The following DENND3 variants were observed in gnomAD, a reference collection of about 807,000 sequenced individuals.
DENND3 encodes DENN domain containing 3, also known as DENN domain-containing protein 3.
A neutral mutation model predicts 135.1 loss-of-function variants in DENND3; 88 were observed. The observed-to-expected ratio is 0.65, with a 90% CI of 0.55 to 0.78. The LOEUF (loss-of-function observed/expected upper bound fraction) is 0.78. Ranked by LOEUF, DENND3 falls within the 30% of genes least tolerant of loss-of-function variation. The pLI is 0.00. For missense variants in DENND3, 1,392 were observed against 1,688.4 expected, an observed-to-expected ratio of 0.82 and a Z score of 3.08; for synonymous variants, 693 against 712.3, an observed-to-expected ratio of 0.97 and a Z score of 0.43.
chr8:141,190,523 A>G (rs1388806993), intron 20 of DENND3, 106 bp downstream of exon 20: 4 of 1,407,638 alleles, frequency 2.8e-6, no homozygotes, highest in Non-Finnish European at 3.7e-6. Context: ...ACGCCTTTCC[A>G]GTCTTTATTT....
intron 4 of DENND3, chr8:141,142,110 A>G (rs1817533008): frequency 2.3e-5 from 7 of 309,464 alleles, no homozygotes; most frequent in South Asian, 1.5e-4. Context: ...GACGTAAAGA[A>G]CTTTTGAAAA....
chr8:141,171,986 T>C (rs1821639258), intron 13 of DENND3, among the ~76,000 whole-genome samples: 3 of 145,750 alleles, frequency 2.1e-5, no homozygotes, highest in Non-Finnish European at 4.5e-5. Flanking sequence ...TGGGTGTGCA[T>C]GGTGGTGGCC....
chr8:141,176,323 T>G, intron 14 of DENND3: 1 of 409,530 alleles, frequency 2.4e-6, no homozygotes, highest in Non-Finnish European at 4.4e-6. Context: ...GAGAGAAGTA[T>G]TTAAGGATGT....
rs562545358 is a variant in DENND3 at position 141,166,292 on chromosome 8, C to T, written c.1656C>T (p.Ser552=). The change falls in exon 12 of 23, where the codon AGC becomes AGT. Residue 552 remains serine (S), a synonymous_variant. Coordinates refer to ENST00000519811, the MANE Select transcript of DENND3 (RefSeq NM_001352890.3). The surrounding 1 kb of genome is among the most constrained non-coding windows in gnomAD (Gnocchi z 4.3). The part of the protein sequence containing the change: ...LHVTHRRMVV[S]MPNLQDIAMP... ...TCACCCACAGGCGCATGGTGGTCAG[C>T]ATGCCCAACCTGCAGGACATTGCCA... The T allele has an allele frequency of 1.9e-6, 3 of 1,614,086 alleles. No homozygotes were observed. The Admixed American group carries it at 5.0e-5, about 27-fold the overall frequency.
intron 5 of DENND3, among the ~76,000 whole-genome samples, chr8:141,150,551 T>C (rs568071175): frequency 3.3e-5 from 5 of 152,232 alleles, no homozygotes; most frequent in Non-Finnish European, 7.3e-5. Flanking sequence ...CTGTAGTTTA[T>C]CTCTGTCTAG....
Position 141,141,098 on chromosome 8 carries a change from G to T in DENND3, c.502-105G>T. On this transcript the variant is annotated intron_variant, in intron 3 of 22. Coordinates refer to ENST00000519811, the MANE Select transcript of DENND3 (RefSeq NM_001352890.3). The surrounding 1 kb of genome is among the most constrained non-coding windows in gnomAD (Gnocchi z 5.3). ...TTGGACGCGTTGCAGGGGTGGGGAT[G>T]GTGGACTCTCAGCTTGCTGTGTGCT... 1 of 1,561,138 alleles carries T rather than the reference G, an allele frequency of 6.4e-7. No homozygotes were observed.
At position 141,143,340 on chromosome 8, in the gene DENND3, T is replaced by C. The variant is rs145296214; in HGVS notation, c.624-808T>C. Among the ~76,000 whole-genome samples, 394 of 152,356 alleles carry C rather than the reference T, an allele frequency of 2.6e-3. 1 individual carries two copies. The highest frequency in any genetic ancestry group is 9.2e-3 in the African/African-American group (382 of 41,584). On this transcript the variant is annotated intron_variant, in intron 4 of 22. Coordinates refer to ENST00000519811, the MANE Select transcript of DENND3 (RefSeq NM_001352890.3). Reference sequence around the variant, plus strand: ...ACAACGTGCAGGTTTGTTACGTATGTATACATGTGCCATGTTGGTGTGCTG... The same window carrying C: ...ACAACGTGCAGGTTTGTTACGTATGCATACATGTGCCATGTTGGTGTGCTG...
rs1483079884 is a variant in DENND3 at position 141,174,425 on chromosome 8, G to C, written c.2276-775G>C. Among the ~76,000 whole-genome samples the C allele has an allele frequency of 6.6e-6, 1 of 152,148 alleles. No individual in the cohort carries two copies. The highest frequency in any genetic ancestry group is 1.5e-5 in the Non-Finnish European group (1 of 68,014). ...AGGGACACTGGGTGGAGGCAGAGCC[G>C]AGCAGGCAGGCTAGGGGCTTGAGTT... On this transcript the variant is annotated intron_variant, in intron 13 of 22. Transcript: ENST00000519811. The surrounding 1 kb of genome is among the most constrained non-coding windows in gnomAD (Gnocchi z 4.6).
rs1398422567 is a variant in DENND3, at chr8:141,166,921, G to C, written c.1753+532G>C. On this transcript the variant is annotated intron_variant, in intron 12 of 22. Coordinates refer to ENST00000519811, the MANE Select transcript of DENND3 (RefSeq NM_001352890.3). The surrounding 1 kb of genome is among the most constrained non-coding windows in gnomAD (Gnocchi z 4.3). ...GCCAAGCCCAGCCTCGCGCCTTCTT[G>C]GGGAGGTACGTCCTGTCCCTAGTGA... 6.8e-6 allele frequency among the ~76,000 whole-genome samples: 1 copy of C among 148,044 alleles called. No homozygotes were observed. Among genetic ancestry groups the C allele is most frequent in the Admixed American group, 6.6e-5 (1 of 15,128 alleles).
chr8:141,133,645 C>T (rs1816425537), intron 1 of DENND3, among the ~76,000 whole-genome samples: 1 of 151,996 alleles, frequency 6.6e-6, no homozygotes, highest in Non-Finnish European at 1.5e-5. Context: ...TGCAGCGGGG[C>T]AGCATCGAGC....
At position 141,167,175 on chromosome 8, in the gene DENND3, G is replaced by A. The variant is rs551519524; in HGVS notation, c.1753+786G>A. Among the ~76,000 whole-genome samples, 73 of 152,308 alleles carry A rather than the reference G, an allele frequency of 4.8e-4. No individual in the cohort carries two copies. Among genetic ancestry groups the A allele is most frequent in the African/African-American group, 1.6e-3 (68 of 41,554 alleles). ...TCGGCTGAGCGCTGGAGCTCAGAGCGAACATTCTGGAGGCCACTGTGGGGT... is the reference window on the plus strand; with the variant it reads ...TCGGCTGAGCGCTGGAGCTCAGAGCAAACATTCTGGAGGCCACTGTGGGGT... On this transcript the variant is annotated intron_variant, in intron 12 of 22. Transcript: ENST00000519811. This position sits in a 1 kb window ranked among gnomAD's most constrained non-coding sequence, Gnocchi z 4.1.
chr8:141,191,583 C>T (rs546989359), intron 20 of DENND3: 2 of 152,418 alleles, frequency 1.3e-5, no homozygotes, highest in East Asian at 3.9e-4. Context: ...TTTTTACTGA[C>T]ACCGTCCCCG....
At chr8:141,133,956 G>A (rs905845059) in intron 1 of DENND3, among the ~76,000 whole-genome samples, 19 of 152,154 alleles carry the variant, frequency 1.2e-4, no homozygotes, top group African/African-American at 4.6e-4. Context: ...TGAGTGCTGA[G>A]GTCCTTCAGG....
intron 7 of DENND3, among the ~76,000 whole-genome samples, chr8:141,152,189 G>A (rs1690613090): frequency 6.6e-6 from 1 of 152,270 alleles, no homozygotes; most frequent in Admixed American, 6.5e-5. Context: ...TTGGTGAGCT[G>A]ATGGATTTGT....
At position 141,192,578 on chromosome 8, in the gene DENND3, G is replaced by A; in HGVS notation, c.3551G>A (p.Ser1184Asn). 2 of 1,580,842 alleles carry A rather than the reference G, an allele frequency of 1.3e-6. No homozygotes were observed. The highest frequency in any genetic ancestry group is 1.7e-6 in the Non-Finnish European group (2 of 1,161,064). Residue 1184 changes from serine to asparagine, a missense_variant, in exon 22 of 23, where the codon AGC becomes AAC. Coordinates refer to ENST00000519811, the MANE Select transcript of DENND3 (RefSeq NM_001352890.3). ...GGACGCAGCGAGGTTTACATCTGGA[G>A]CCTGAAGGACCTGGCCCAGCCCCCG... Reference protein sequence around the residue: ...CAGRSEVYIWSLKDLAQPPQR... With the variant: ...CAGRSEVYIWNLKDLAQPPQR...
chr8:141,150,860 T>A lies in DENND3; in HGVS notation c.762T>A (p.Ile254=). Residue 254 remains isoleucine (I), a synonymous_variant, in exon 6 of 23, where the codon ATT becomes ATA. Coordinates refer to ENST00000519811, the MANE Select transcript of DENND3 (RefSeq NM_001352890.3). ...TATTTAACATGAAGTCGCTCCAGAT[T>A]GTGTTACCTGCCCGAGCAGACCCCG... ...HLVFNMKSLQ[I]VLPARADPES... The A allele has an allele frequency of 6.2e-7, 1 of 1,605,778 alleles. No homozygotes were observed. Among genetic ancestry groups the A allele is most frequent in the Non-Finnish European group, 8.5e-7 (1 of 1,177,692 alleles).
chr8:141,177,989 T>C, intron 15 of DENND3, 78 bp from the exon 16 acceptor site: 2 of 1,513,420 alleles, frequency 1.3e-6, no homozygotes, highest in South Asian at 1.3e-5. Flanking sequence ...AGGATTGTCC[T>C]GTGTGTTGCA....
Position 141,166,374 on chromosome 8 carries a change from A to AG in DENND3, c.1742dup (p.Ser582GlnfsTer51). ...CCGGCTGACGGACACCGCAGGCTGT[A>AG]GGGGCAGCAGCGCAGGTGAGGGCTG... On this transcript the variant is annotated frameshift_variant, in exon 12 of 23. Coordinates refer to ENST00000519811, the MANE Select transcript of DENND3 (RefSeq NM_001352890.3). LOFTEE classifies it high-confidence loss of function. This position sits in a 1 kb window ranked among gnomAD's most constrained non-coding sequence, Gnocchi z 4.3. The AG allele has an allele frequency of 6.2e-7, 1 of 1,612,038 alleles. No homozygotes were observed. The highest frequency in any genetic ancestry group is 8.5e-7 in the Non-Finnish European group (1 of 1,179,870).
chr8:141,194,349 G>C lies in DENND3; in HGVS notation c.*116G>C, dbSNP rs1589737267. ...GGCAGGGCAGAGCAGCCCAGGCTCA[G>C]CATGGAGCCCACTTACCGTGTGGCC... On this transcript the variant is annotated 3_prime_UTR_variant, in exon 23 of 23. Transcript: ENST00000519811. 2 of 1,271,102 alleles carry C rather than the reference G, an allele frequency of 1.6e-6. No homozygotes were observed. Among genetic ancestry groups the C allele is most frequent in the South Asian group, 2.8e-5 (2 of 70,726 alleles). The allele number at this position is 1,271,102 out of a possible 1,614,324, so 78.7% of individuals were successfully genotyped here.
Sources: allele counts gnomAD v4.1 joint callset (sites outside exome capture counted in the v4.1 genomes callset), GRCh38; gene constraint gnomAD v4.1.1; non-coding constraint Gnocchi (gnomAD v3.1); transcripts MANE v1.5; gene names NCBI Gene and HGNC (gene_info 2026-07-23, HGNC 2026-07-21).